CASZ1: variants seen among roughly 807,000 people sequenced by gnomAD.
CASZ1 encodes zinc finger protein castor homolog 1.
A neutral mutation model predicts 135.2 loss-of-function variants in CASZ1; 28 were observed. The ratio of observed to expected loss-of-function variants is 0.21; its 90% CI spans 0.15 to 0.28. CASZ1 has a LOEUF of 0.28. CASZ1 is among the 10% of genes least tolerant of loss of function. The probability of loss-of-function intolerance (pLI) is 1.00; values close to 1 mark genes in which losing one functional copy is unlikely to be tolerated. For missense variants in CASZ1, 2,161 were observed against 2,453.3 expected (o/e 0.88, Z 2.52); for synonymous variants, 1,068 against 1,073.4 (o/e 0.99, Z 0.10).
intron 2 of CASZ1, among the ~76,000 whole-genome samples, chr1:10,718,335 C>T (rs924833906): frequency 1.3e-5 from 2 of 152,238 alleles, no homozygotes; most frequent in African/African-American, 4.8e-5. Flanking sequence ...CCACACACAG[C>T]CTGTTGGTTG....
chr1:10,706,334 C>T lies in CASZ1; in HGVS notation c.-76-790G>A, dbSNP rs2100445737. ...ACGTGGAGAGAAAACACAGGGAGTC[C>T]CCCCGCCAGCCTGCTGGCCAGGCCC... On this transcript the variant is annotated intron_variant, in intron 2 of 20. Transcript: ENST00000377022. This position sits in a 1 kb window ranked among gnomAD's most constrained non-coding sequence, Gnocchi z 4.3. Among the ~76,000 whole-genome samples, 1 of 152,266 alleles carries T rather than the reference C, an allele frequency of 6.6e-6. No individual in the cohort carries two copies. The highest frequency in any genetic ancestry group is 6.5e-5 in the Admixed American group (1 of 15,302).
At chr1:10,642,608 G>A (rs958956983) in intron 20 of CASZ1, among the ~76,000 whole-genome samples, 13 of 152,098 alleles carry the variant, frequency 8.5e-5, no homozygotes, top group Admixed American at 1.3e-4. Context: ...CGCTGCTCCC[G>A]CTGTGGCTCA....
chr1:10,693,497 CAAAAA>C (rs1172496673), intron 4 of CASZ1, among the ~76,000 whole-genome samples: 11 of 23,286 alleles, frequency 4.7e-4, no homozygotes, highest in African/African-American at 2.0e-3. Flanking sequence ...TTGCAGAGAA[CAAAAA>C]AAAAAAAAAA....
At chr1:10,716,209 C>T (rs913651366) in intron 2 of CASZ1, among the ~76,000 whole-genome samples, 17 of 148,902 alleles carry the variant, frequency 1.1e-4, no homozygotes, top group African/African-American at 4.2e-4. Context: ...CTGCTCCCCA[C>T]AGCACCCAAT....
At chr1:10,712,126 A>G (rs894764954) in intron 2 of CASZ1, among the ~76,000 whole-genome samples, 2 of 152,192 alleles carry the variant, frequency 1.3e-5, no homozygotes, top group African/African-American at 4.8e-5. Context: ...CAGGCAGATC[A>G]CTTGAGGTCA....
chr1:10,745,669 G>A (rs960800908), intron 2 of CASZ1, among the ~76,000 whole-genome samples: 1 of 152,166 alleles, frequency 6.6e-6, no homozygotes, highest in Admixed American at 6.5e-5. Flanking sequence ...TCCTGGGTGT[G>A]GATTTTGGAA....
intron 2 of CASZ1, among the ~76,000 whole-genome samples, chr1:10,728,977 C>T (rs1050488295): frequency 2.0e-5 from 3 of 152,170 alleles, no homozygotes; most frequent in Non-Finnish European, 2.9e-5. Flanking sequence ...CTTCCCCCCC[C>T]ACTCTCCGGA....
In CASZ1 at chr1:10,755,316, G is replaced by A. The variant is rs902714793; in HGVS notation, c.-77+5385C>T. 3.3e-5 allele frequency among the ~76,000 whole-genome samples: 5 copies of A among 152,192 alleles called. No homozygotes were observed. The South Asian group carries it at 1.0e-3, about 31-fold the overall frequency. ...GGAGACCGGAGAGGAGGAGCTTGAA[G>A]GTCTACACGAGGAGATGATGCAGTC... On this transcript the variant is annotated intron_variant, in intron 2 of 20. Coordinates refer to ENST00000377022, the MANE Select transcript of CASZ1 (RefSeq NM_001079843.3). This position sits in a 1 kb window ranked among gnomAD's most constrained non-coding sequence, Gnocchi z 4.3.
intron 2 of CASZ1, among the ~76,000 whole-genome samples, chr1:10,729,094 G>A (rs1312357726): frequency 6.6e-6 from 1 of 151,996 alleles, no homozygotes; most frequent in Non-Finnish European, 1.5e-5. Flanking sequence ...TGGGGGAAGG[G>A]GAGTGGGGAG....
chr1:10,723,993 C>T (rs901055054), intron 2 of CASZ1, among the ~76,000 whole-genome samples: 1 of 152,172 alleles, frequency 6.6e-6, no homozygotes, highest in African/African-American at 2.4e-5. Context: ...TCACACCCAA[C>T]CGCTAGCACC....
chr1:10,795,453 G>T (rs114528694), intron 1 of CASZ1, among the ~76,000 whole-genome samples: 1,793 of 152,168 alleles, frequency 0.012, 43 homozygotes, highest in African/African-American at 0.04. Flanking sequence ...CACCCTGGGG[G>T]AACAGACCCC....
rs113559571 is a variant in CASZ1, at chr1:10,768,205, C to CGTTT, written c.-233-7352_-233-7349dup. 8.2e-3 allele frequency among the ~76,000 whole-genome samples: 1,246 copies of CGTTT among 151,970 alleles called. 10 individuals are homozygous for CGTTT. The highest frequency in any genetic ancestry group is 0.023 in the African/African-American group (943 of 41,396). ...CAGGGCAGGGTGGGTCATTATTGTTCGTTTGTTTGTTTGTTTGTTTGTTTG... is the reference window on the plus strand; with the variant it reads ...CAGGGCAGGGTGGGTCATTATTGTTCGTTTGTTTGTTTGTTTGTTTGTTTGTTTG... On this transcript the variant is annotated intron_variant, in intron 1 of 20. Coordinates refer to ENST00000377022, the MANE Select transcript of CASZ1 (RefSeq NM_001079843.3).
Position 10,639,562 on chromosome 1 carries a change from T to G in CASZ1, c.4660A>C (p.Ser1554Arg). Residue 1554 changes from serine to arginine, a missense_variant, in exon 21 of 21, where the codon AGC becomes CGC. By Grantham distance (110) the Ser-to-Arg change is moderately radical (BLOSUM62 -1). Coordinates refer to ENST00000377022, the MANE Select transcript of CASZ1 (RefSeq NM_001079843.3). The surrounding 1 kb of genome is among the most constrained non-coding windows in gnomAD (Gnocchi z 4.0). Reference sequence around the variant, plus strand: ...CAGTCGGGCACGGCGCAGTCGGCGCTGGAGCTGAACTGGCAGAAGCCCGCG... The same window carrying G: ...CAGTCGGGCACGGCGCAGTCGGCGCGGGAGCTGAACTGGCAGAAGCCCGCG... ...SAAGFCQFSS[S>R]ADCAVPDCKY... is the part of the protein sequence containing the mutation. 6.2e-7 allele frequency: 1 copy of G among 1,611,244 alleles called. No individual in the cohort carries two copies. The highest frequency in any genetic ancestry group is 1.1e-5 in the South Asian group (1 of 91,018).
rs1021682020 is a variant in CASZ1, at chr1:10,647,048, G to A, written c.3498-722C>T. 6.6e-6 allele frequency among the ~76,000 whole-genome samples: 1 copy of A among 151,832 alleles called. No individual in the cohort carries two copies. Among genetic ancestry groups the A allele is most frequent in the Non-Finnish European group, 1.5e-5 (1 of 67,916 alleles). On this transcript the variant is annotated intron_variant, in intron 16 of 20. Transcript: ENST00000377022. This position sits in a 1 kb window ranked among gnomAD's most constrained non-coding sequence, Gnocchi z 4.9. ...TGTAGTCCCCTCCCAGGGGACCCAC[G>A]GTGGGCACTCTGACCAGGCCAGGGA...
At chr1:10,672,489 C>T (rs1180655804) in intron 4 of CASZ1, among the ~76,000 whole-genome samples, 1 of 148,408 alleles carries the variant, frequency 6.7e-6, no homozygotes, top group Admixed American at 6.7e-5. Flanking sequence ...CCCGCCGGCC[C>T]GCCCCCCTCC....
intron 1 of CASZ1, among the ~76,000 whole-genome samples, chr1:10,793,047 T>C (rs1640992780): frequency 6.6e-6 from 1 of 152,122 alleles, no homozygotes; most frequent in African/African-American, 2.4e-5. Context: ...GGGGGCAAGA[T>C]AAACTATTAA....
In CASZ1 at chr1:10,666,907, G is replaced by A. The variant is rs1349293974; in HGVS notation, c.17-1336C>T. Among the ~76,000 whole-genome samples the A allele has an allele frequency of 6.6e-6, 1 of 152,200 alleles. No homozygotes were observed. Among genetic ancestry groups the A allele is most frequent in the African/African-American group, 2.4e-5 (1 of 41,448 alleles). ...CCCTGTGGTGGGGCTTGGGGACAGC[G>A]CAGTGGCCACAGCAGCAGGGGCTCG... On this transcript the variant is annotated intron_variant, in intron 4 of 20. Transcript: ENST00000377022. This position sits in a 1 kb window ranked among gnomAD's most constrained non-coding sequence, Gnocchi z 5.2.
chr1:10,782,959 C>T (rs1021804778), intron 1 of CASZ1, among the ~76,000 whole-genome samples: 2 of 152,212 alleles, frequency 1.3e-5, no homozygotes, highest in Non-Finnish European at 2.9e-5. Flanking sequence ...TTTCTACCCA[C>T]TGCCAAATTC....
At position 10,646,351 on chromosome 1, in the gene CASZ1, G is replaced by A. The variant is rs1479542413; in HGVS notation, c.3498-25C>T. On this transcript the variant is annotated intron_variant, in intron 16 of 20. Transcript: ENST00000377022. This position sits in a 1 kb window ranked among gnomAD's most constrained non-coding sequence, Gnocchi z 6.4. The stretch of plus-strand genomic sequence containing the variant: ...GCTGGAAGGAAACCACAGCCCAGAA[G>A]GTCATTGCCATTCTCAAGCCCTCCC... 4.3e-6 allele frequency: 7 copies of A among 1,611,250 alleles called. No individual in the cohort carries two copies. Among genetic ancestry groups the A allele is most frequent in the African/African-American group, 2.7e-5 (2 of 75,002 alleles).
Sources: gnomAD v4.1 joint callset for allele counts (sites outside exome capture counted in the v4.1 genomes callset) on GRCh38, gnomAD v4.1.1 for gene constraint, Gnocchi (gnomAD v3.1) non-coding constraint, MANE v1.5 for transcripts, NCBI Gene and HGNC (gene_info 2026-07-23, HGNC 2026-07-21) for gene names.